The following OTOGL variants were observed in gnomAD, a reference collection of about 807,000 sequenced individuals.
OTOGL encodes otogelin-like protein.
OTOGL carries 285 observed loss-of-function variants against 318.5 expected under a neutral mutation model. That is an observed-to-expected ratio of 0.89 (90% CI 0.81 to 0.99). The LOEUF is 0.99. OTOGL is among the 50% of genes least tolerant of loss of function. The pLI is 0.00. For synonymous variants in OTOGL, 987 were observed against 936.5 expected (o/e 1.05, Z -0.99); for missense variants, 2,899 against 2,845.6 (o/e 1.02, Z -0.43).
At chr12:80,368,380 AT>A in intron 55 of OTOGL, 71 bp downstream of exon 55, 5 of 952,954 alleles carry the variant, frequency 5.2e-6, no homozygotes, top group Non-Finnish European at 7.7e-6. Context: ...AGTTTGGAAA[AT>A]GTCCCCCCCC....
At chr12:80,358,093 A>G (rs1044940822) in intron 49 of OTOGL, among the ~76,000 whole-genome samples, 155 bp from the exon 50 acceptor site, 1 of 152,204 alleles carries the variant, frequency 6.6e-6, no homozygotes, top group African/African-American at 2.4e-5. Context: ...AGACAGTATT[A>G]TTGTTTTTAT....
intron 20 of OTOGL, 137 bp from the exon 21 acceptor site, chr12:80,266,314 C>A: frequency 1.2e-6 from 1 of 864,558 alleles, no homozygotes; most frequent in Non-Finnish European, 1.7e-6. Context: ...GCTCTTTGAG[C>A]ATCCAAGTTA....
chr12:80,223,695 T>G (rs1878567500), intron 7 of OTOGL, among the ~76,000 whole-genome samples: 1 of 152,202 alleles, frequency 6.6e-6, no homozygotes, highest in Non-Finnish European at 1.5e-5. Context: ...TGTTGATAAT[T>G]TTTTCATGTT....
Position 80,271,665 on chromosome 12 carries a change from G to A in OTOGL, c.2536G>A (p.Gly846Arg). Residue 846 changes from glycine (G) to arginine (R), a missense_variant, in exon 24 of 59, where the codon GGA (glycine) becomes AGA (arginine). Gly to Arg is a moderately radical substitution (Grantham distance 125). This residue lies in a region of OTOGL where 2,607 missense variants were observed against 2,524.9 expected (regional missense o/e 1.03). Transcript: ENST00000547103. ...TPSAVHICPE[G>R]KEYFDCRFPD... Reference sequence around the variant, plus strand: ...ATCTGAAGTTCACATCTGCCCAGAGGGAAAAGAGTATTTCGACTGCAGGTT... The same window carrying A: ...ATCTGAAGTTCACATCTGCCCAGAGAGAAAAGAGTATTTCGACTGCAGGTT... 1 of 1,612,738 alleles carries A rather than the reference G, an allele frequency of 6.2e-7. No individual in the cohort carries two copies. Among genetic ancestry groups the A allele is most frequent in the Non-Finnish European group, 8.5e-7 (1 of 1,179,292 alleles).
chr12:80,298,153 GA>G (rs1490776721), intron 27 of OTOGL, among the ~76,000 whole-genome samples: 1 of 152,206 alleles, frequency 6.6e-6, no homozygotes, highest in Non-Finnish European at 1.5e-5. Flanking sequence ...TTGCCTTTAA[GA>G]AGTTTCTGCT....
intron 1 of OTOGL, among the ~76,000 whole-genome samples, chr12:80,110,115 T>C (rs1419323794): frequency 2.1e-5 from 3 of 145,694 alleles, no homozygotes; most frequent in Non-Finnish European, 4.5e-5. Flanking sequence ...GTGCCCAGGC[T>C]GGAGTGCAGT....
Position 80,267,262 on chromosome 12 carries a change from C to A in OTOGL, c.2400C>A (p.Cys800Ter). 6.5e-7 allele frequency: 1 copy of A among 1,549,436 alleles called. No individual in the cohort carries two copies. Among genetic ancestry groups the A allele is most frequent in the East Asian group, 2.3e-5 (1 of 43,468 alleles). Residue 800 changes from cysteine to a stop codon, truncating the protein, a stop_gained, in exon 22 of 59, where the codon TGC (cysteine) becomes TGA (stop). Transcript: ENST00000547103. LOFTEE classifies it high-confidence loss of function. ...CTTTTTCTTCGTATAGATTCCACTG[C>A]CGTTGTCATTATAGGGGCAGTGTTT... ...TLNFCVPIFH[C>*]RCHYRGSVYQ...
chr12:80,222,976 C>T (rs183917157), intron 7 of OTOGL, among the ~76,000 whole-genome samples: 22 of 137,602 alleles, frequency 1.6e-4, no homozygotes, highest in Non-Finnish European at 2.6e-4. Context: ...AGATTTTAGT[C>T]CACTATCCCC....
chr12:80,355,786 G>A lies in OTOGL; in HGVS notation c.5644G>A (p.Gly1882Arg). 6.2e-7 allele frequency: 1 copy of A among 1,613,840 alleles called. No individual in the cohort carries two copies. The highest frequency in any genetic ancestry group is 8.5e-7 in the Non-Finnish European group (1 of 1,179,814). ...QPRTAGEIWN[G>R]GIDECTLYKC... ...CCGCACTGCTGGGGAGATTTGGAAT[G>A]GGGGCATTGATGAATGCACTCTATA... Residue 1882 changes from glycine to arginine, a missense_variant, in exon 47 of 59, where the codon GGG becomes AGG. Physicochemically the swap from Gly to Arg is moderately radical, Grantham distance 125. Around this residue, in one of 3 missense-constraint regions of OTOGL, gnomAD observed 2,607 missense variants for 2,524.9 expected, o/e 1.03. Transcript: ENST00000547103.
intron 39 of OTOGL, 112 bp from the exon 40 acceptor site, chr12:80,336,301 T>C: frequency 7.4e-7 from 1 of 1,348,244 alleles, no homozygotes; most frequent in South Asian, 1.6e-5. Context: ...CTTTTAGAGT[T>C]GCTTCTTGTC....
intron 1 of OTOGL, among the ~76,000 whole-genome samples, chr12:80,126,215 G>A (rs967924865): frequency 3.9e-5 from 6 of 152,042 alleles, no homozygotes; most frequent in Non-Finnish European, 8.8e-5. Flanking sequence ...CTTTGAATGT[G>A]TCCTAGAGAT....
chr12:80,261,874 A>C (rs918682744), intron 18 of OTOGL, 95 bp from the exon 19 acceptor site: 16 of 1,385,220 alleles, frequency 1.2e-5, no homozygotes, highest in Non-Finnish European at 1.4e-5. Flanking sequence ...TTCCTTGTAC[A>C]TTATGAAAAA....
At chr12:80,239,165 A>G (rs552671964) in intron 10 of OTOGL, among the ~76,000 whole-genome samples, 168 bp from the exon 11 acceptor site, 4 of 152,380 alleles carry the variant, frequency 2.6e-5, no homozygotes, top group East Asian at 1.9e-4. Context: ...TCATAAATGC[A>G]GTACTCATGA....
chr12:80,263,388 A>G (rs189601067), intron 19 of OTOGL, among the ~76,000 whole-genome samples: 128 of 152,214 alleles, frequency 8.4e-4, no homozygotes, highest in African/African-American at 2.9e-3. Context: ...CAATTGATAA[A>G]TTCAGTTTCC....
intron 57 of OTOGL, among the ~76,000 whole-genome samples, chr12:80,375,993 A>G (rs565175549): frequency 6.6e-6 from 1 of 152,196 alleles, no homozygotes; most frequent in East Asian, 1.9e-4. Flanking sequence ...TCAGGAAGCC[A>G]AGTATGGAGG....
intron 9 of OTOGL, among the ~76,000 whole-genome samples, chr12:80,236,562 T>C (rs955109117): frequency 1.3e-5 from 2 of 152,156 alleles, no homozygotes; most frequent in Non-Finnish European, 2.9e-5. Context: ...AGTATTGAAA[T>C]AAGTGGGTTT....
chr12:80,356,413 T>C lies in OTOGL; in HGVS notation c.5807-3T>C, dbSNP rs563318144. On this transcript the variant is annotated splice_region_variant and splice_polypyrimidine_tract_variant and intron_variant, in intron 47 of 58. Coordinates refer to ENST00000547103, the MANE Select transcript of OTOGL (RefSeq NM_001378609.3). ...ATATTTTAACAGTTTTTCTTATTTA[T>C]AGGATGTGACACGACTTTGTGTGAA... 6.2e-7 allele frequency: 1 copy of C among 1,603,444 alleles called. No individual in the cohort carries two copies. The highest frequency in any genetic ancestry group is 8.5e-7 in the Non-Finnish European group (1 of 1,174,068).
Position 80,335,926 on chromosome 12 carries a change from A to C in OTOGL, c.4423-37A>C, listed in dbSNP as rs958993520. On this transcript the variant is annotated intron_variant, in intron 38 of 58. Coordinates refer to ENST00000547103, the MANE Select transcript of OTOGL (RefSeq NM_001378609.3). Reference sequence around the variant, plus strand: ...AAAAATCAATTAAAAACATTAGCTGAGAATGAAAAAACCCACTAATCTTTT... The same window carrying C: ...AAAAATCAATTAAAAACATTAGCTGCGAATGAAAAAACCCACTAATCTTTT... The C allele has an allele frequency of 2.0e-6, 3 of 1,479,264 alleles. No individual in the cohort carries two copies. The African/African-American group carries it at 4.3e-5, about 21-fold the overall frequency. The allele number at this position is 1,479,264 out of a possible 1,614,324, so 91.6% of individuals were successfully genotyped here.
In OTOGL at chr12:80,198,865, T is replaced by C. The variant is rs183581697; in HGVS notation, c.-19-10548T>C. On this transcript the variant is annotated intron_variant, in intron 1 of 58. Coordinates refer to ENST00000547103, the MANE Select transcript of OTOGL (RefSeq NM_001378609.3). ...TTTCTCAATTCCATACCTTCCATCC[T>C]AGACCAAATAGCTATCATCTCTTGT... is the stretch of plus-strand genomic sequence containing the variant. Among the ~76,000 whole-genome samples, 152 of 152,340 alleles carry C rather than the reference T, an allele frequency of 1.0e-3. 2 individuals are homozygous for C. Among genetic ancestry groups the C allele is most frequent in the African/African-American group, 3.5e-3 (145 of 41,578 alleles).
Sources: gnomAD v4.1 joint callset for allele counts (sites outside exome capture counted in the v4.1 genomes callset) on GRCh38, gnomAD v4.1.1 for gene constraint, gnomAD v4.1.1 regional missense constraint, MANE v1.5 for transcripts, NCBI Gene and HGNC (gene_info 2026-07-23, HGNC 2026-07-21) for gene names.